The following CTNNA3 variants were observed in gnomAD, a reference collection of about 807,000 sequenced individuals.
CTNNA3 encodes the protein catenin alpha 3.
CTNNA3 carries 76 observed loss-of-function variants against 95.7 expected under a neutral mutation model. That is an observed-to-expected ratio of 0.79 (90% confidence interval 0.66 to 0.96). The LOEUF (loss-of-function observed/expected upper bound fraction) is 0.96, where lower values mean the gene tolerates loss of function less well. Ranked by LOEUF, CTNNA3 falls within the 40% of genes least tolerant of loss-of-function variation. The pLI, the probability that CTNNA3 is intolerant of heterozygous loss-of-function variation, is 0.00. For synonymous variants in CTNNA3, 431 were observed against 374.4 expected, an observed-to-expected ratio of 1.15 and a Z score of -1.74; for missense variants, 1,191 against 1,089.8, an observed-to-expected ratio of 1.09 and a Z score of -1.31.
chr10:67,273,790 A>T (rs1047911328), intron 5 of CTNNA3, among the ~76,000 whole-genome samples: 6 of 152,220 alleles, frequency 3.9e-5, no homozygotes, highest in African/African-American at 1.2e-4. Context: ...ATGTCACAAC[A>T]AGTGAAAGAA....
At chr10:66,099,910 G>A (rs1047877724) in intron 14 of CTNNA3, among the ~76,000 whole-genome samples, 4 of 152,132 alleles carry the variant, frequency 2.6e-5, no homozygotes, top group Non-Finnish European at 5.9e-5. Flanking sequence ...TGAGTCTGAA[G>A]ACATAATCCT....
chr10:67,534,229 C>T (rs1840422889), intron 4 of CTNNA3, among the ~76,000 whole-genome samples: 2 of 151,994 alleles, frequency 1.3e-5, no homozygotes, highest in South Asian at 4.2e-4. Context: ...AGTGGATACC[C>T]TCCTCCCACC....
intron 7 of CTNNA3, among the ~76,000 whole-genome samples, chr10:67,036,204 G>C (rs753941325): frequency 2.0e-5 from 3 of 151,352 alleles, no homozygotes; most frequent in Non-Finnish European, 2.9e-5. Context: ...TCAGGCTGGA[G>C]TACAGTGGCA....
intron 3 of CTNNA3, among the ~76,000 whole-genome samples, chr10:67,566,030 C>T (rs1266676921): frequency 2.5e-5 from 1 of 40,546 alleles, no homozygotes; most frequent in African/African-American, 9.1e-5. Context: ...CACACACACA[C>T]ATATGTGTGT....
At chr10:67,567,966 G>T (rs1293037942) in intron 3 of CTNNA3, among the ~76,000 whole-genome samples, 1 of 152,028 alleles carries the variant, frequency 6.6e-6, no homozygotes, top group African/African-American at 2.4e-5. Flanking sequence ...GAGCCTCCCA[G>T]CTGCATGTTT....
chr10:67,275,267 T>C (rs534491792), intron 5 of CTNNA3, among the ~76,000 whole-genome samples: 2 of 152,244 alleles, frequency 1.3e-5, no homozygotes, highest in South Asian at 4.1e-4. Context: ...ATAAATAAGG[T>C]GCTAAATAAC....
At chr10:67,733,379 A>G (rs1841286736) in intron 1 of CTNNA3, among the ~76,000 whole-genome samples, 1 of 152,152 alleles carries the variant, frequency 6.6e-6, no homozygotes, top group Admixed American at 6.6e-5. Context: ...TTCAGACATA[A>G]TACATCTAAA....
chr10:65,950,339 C>T (rs1441532658), intron 17 of CTNNA3, among the ~76,000 whole-genome samples: 1 of 152,144 alleles, frequency 6.6e-6, no homozygotes, highest in East Asian at 1.9e-4. Context: ...CTGCCTTATA[C>T]ATGCCTTTAT....
intron 12 of CTNNA3, among the ~76,000 whole-genome samples, chr10:66,355,762 G>A (rs2092603993): frequency 6.6e-6 from 1 of 151,734 alleles, no homozygotes; most frequent in South Asian, 2.1e-4. Flanking sequence ...ATTACTTGGT[G>A]TTGTATCTAA....
At chr10:67,306,134 ACAGT>A (rs1840543777) in intron 5 of CTNNA3, among the ~76,000 whole-genome samples, 1 of 152,182 alleles carries the variant, frequency 6.6e-6, no homozygotes, top group Non-Finnish European at 1.5e-5. Flanking sequence ...AAAAAGCTTA[ACAGT>A]CAGGGATAGA....
intron 7 of CTNNA3, among the ~76,000 whole-genome samples, chr10:67,139,289 C>G (rs1031944480): frequency 6.9e-6 from 1 of 145,824 alleles, no homozygotes; most frequent in East Asian, 2.0e-4. Flanking sequence ...CATGCCACCA[C>G]GCCCGGCTAA....
chr10:66,336,463 T>C (rs1214185093), intron 12 of CTNNA3, among the ~76,000 whole-genome samples: 1 of 152,100 alleles, frequency 6.6e-6, no homozygotes, highest in Non-Finnish European at 1.5e-5. Context: ...TTTGGAATCT[T>C]TGCTTATGTA....
chr10:67,488,585 G>T (rs1848535072), intron 5 of CTNNA3, among the ~76,000 whole-genome samples: 1 of 151,594 alleles, frequency 6.6e-6, no homozygotes, highest in African/African-American at 2.4e-5. Context: ...TGGCCAGGCT[G>T]TTCTCAAACT....
chr10:67,490,110 T>A (rs946424195), intron 5 of CTNNA3, among the ~76,000 whole-genome samples: 2 of 152,182 alleles, frequency 1.3e-5, no homozygotes, highest in African/African-American at 4.8e-5. Flanking sequence ...CTAATCTGAA[T>A]TCATCCAAGA....
chr10:66,582,891 A>G (rs946954571), intron 10 of CTNNA3, among the ~76,000 whole-genome samples: 1 of 151,826 alleles, frequency 6.6e-6, no homozygotes, highest in Admixed American at 6.6e-5. Context: ...ATCTATAGAA[A>G]TGATCATATA....
At chr10:67,023,548 C>T (rs118129845) in intron 7 of CTNNA3, among the ~76,000 whole-genome samples, 93 of 152,278 alleles carry the variant, frequency 6.1e-4, no homozygotes, top group Non-Finnish European at 1.2e-3. Context: ...GATTCTTCCA[C>T]TTCTCATACC....
intron 9 of CTNNA3, among the ~76,000 whole-genome samples, chr10:66,728,790 G>T (rs936980926): frequency 5.9e-5 from 9 of 152,096 alleles, no homozygotes; most frequent in Admixed American, 1.3e-4. Context: ...GTTTCACCAT[G>T]TTTGCCAGGC....
At chr10:67,311,345 T>A (rs1037995086) in intron 5 of CTNNA3, among the ~76,000 whole-genome samples, 2 of 151,936 alleles carry the variant, frequency 1.3e-5, no homozygotes, top group Non-Finnish European at 2.9e-5. Context: ...CTATAAAGGA[T>A]CATGGAAGGA....
intron 7 of CTNNA3, among the ~76,000 whole-genome samples, chr10:66,925,208 A>G (rs1395055658): frequency 6.6e-6 from 1 of 152,178 alleles, no homozygotes; most frequent in East Asian, 1.9e-4. Context: ...ACCTTGAGAA[A>G]GTTACCTCCC....
Sources: allele counts gnomAD v4.1 joint callset (sites outside exome capture counted in the v4.1 genomes callset), GRCh38; gene constraint gnomAD v4.1.1; transcripts MANE v1.5; gene names NCBI Gene and HGNC (gene_info 2026-07-23, HGNC 2026-07-21).